IGF2BP2: variants seen among roughly 807,000 people sequenced by gnomAD.
IGF2BP2 encodes the protein insulin like growth factor 2 mRNA binding protein 2.
A neutral mutation model predicts 75.8 loss-of-function variants in IGF2BP2; 17 were observed. The observed-to-expected ratio is 0.22, with a 90% CI of 0.15 to 0.34. IGF2BP2 has a LOEUF of 0.34. Among genes scored for constraint, IGF2BP2 ranks in the 10% least tolerant of loss-of-function variants. The probability of loss-of-function intolerance (pLI) is 1.00; values close to 1 mark genes in which losing one functional copy is unlikely to be tolerated. For synonymous variants in IGF2BP2, 288 were observed against 295.6 expected (o/e 0.97, Z 0.26); for missense variants, 516 against 772.4 (o/e 0.67, Z 3.93).
intron 2 of IGF2BP2, among the ~76,000 whole-genome samples, chr3:185,706,420 TAAA>T (rs1418171337): frequency 4.6e-5 from 7 of 151,814 alleles, no homozygotes; most frequent in Non-Finnish European, 1.0e-4. Context: ...CTAGCAAAAA[TAAA>T]AAAGAAGTGG....
chr3:185,702,818 C>T (rs1723498824), intron 2 of IGF2BP2, among the ~76,000 whole-genome samples: 1 of 152,206 alleles, frequency 6.6e-6, no homozygotes, highest in Non-Finnish European at 1.5e-5. Context: ...CAGAATGAGC[C>T]TTCAACTCCC....
intron 5 of IGF2BP2, among the ~76,000 whole-genome samples, chr3:185,691,172 C>G (rs1560302351): frequency 6.6e-6 from 1 of 152,132 alleles, no homozygotes; most frequent in Non-Finnish European, 1.5e-5. Flanking sequence ...GATCTCAGCT[C>G]ACTGCAACCT....
At chr3:185,739,262 A>G (rs1226767732) in intron 2 of IGF2BP2, among the ~76,000 whole-genome samples, 1 of 152,226 alleles carries the variant, frequency 6.6e-6, no homozygotes, top group East Asian at 1.9e-4. Flanking sequence ...TTCAAAGCCC[A>G]AACATCACTG....
chr3:185,667,490 A>C (rs1480331510), intron 10 of IGF2BP2, among the ~76,000 whole-genome samples: 1 of 152,230 alleles, frequency 6.6e-6, no homozygotes, highest in African/African-American at 2.4e-5. Context: ...TCTTAAAGAA[A>C]AAGAAAATAG....
intron 6 of IGF2BP2, among the ~76,000 whole-genome samples, chr3:185,687,892 CTT>C (rs962881694): frequency 6.1e-4 from 93 of 151,886 alleles, no homozygotes; most frequent in African/African-American, 2.2e-3. Context: ...TGGGCACACA[CTT>C]TGAGAGCTAA....
chr3:185,780,594 T>G (rs1350161240), intron 2 of IGF2BP2, among the ~76,000 whole-genome samples: 1 of 152,220 alleles, frequency 6.6e-6, no homozygotes, highest in African/African-American at 2.4e-5. Context: ...AAAAGTGGTA[T>G]GATGTTGGTT....
rs1426946764 is a variant in IGF2BP2, at chr3:185,824,912, C to T, written c.49G>A (p.Asp17Asn). The T allele has an allele frequency of 5.7e-6, 9 of 1,568,390 alleles. No homozygotes were observed. Among genetic ancestry groups the T allele is most frequent in the Non-Finnish European group, 7.8e-6 (9 of 1,155,330 alleles). The change falls in exon 1 of 16, where the codon GAC becomes AAC. Residue 17 changes from aspartate (D) to asparagine (N), a missense_variant. Around this residue, in one of 3 missense-constraint regions of IGF2BP2, gnomAD observed 312 missense variants for 474.5 expected, o/e 0.66. Coordinates refer to ENST00000382199, the MANE Select transcript of IGF2BP2 (RefSeq NM_006548.6). ...TCCCCAAAGAGCTGCCGGAGGTCGTCGGCGGTGACGGCGGGGCTCAGGTTC... is the reference window on the plus strand; with the variant it reads ...TCCCCAAAGAGCTGCCGGAGGTCGTTGGCGGTGACGGCGGGGCTCAGGTTC... The part of the protein sequence containing the change: ...IGNLSPAVTA[D>N]DLRQLFGDRK...
chr3:185,820,222 GTATA>G (rs201663495), intron 2 of IGF2BP2, among the ~76,000 whole-genome samples: 1 of 121,296 alleles, frequency 8.2e-6, no homozygotes, highest in African/African-American at 4.0e-5. Context: ...GTGTGTATGT[GTATA>G]TATACACATA....
chr3:185,782,235 T>A (rs1056465542), intron 2 of IGF2BP2, among the ~76,000 whole-genome samples: 3 of 152,170 alleles, frequency 2.0e-5, no homozygotes, highest in Non-Finnish European at 4.4e-5. Flanking sequence ...AAAATTTTAA[T>A]GATGTAGAGA....
intron 2 of IGF2BP2, among the ~76,000 whole-genome samples, chr3:185,809,113 TTTTC>T (rs1000862941): frequency 8.2e-4 from 124 of 151,992 alleles, no homozygotes; most frequent in Admixed American, 2.0e-3. Flanking sequence ...TTTGTTTTTC[TTTTC>T]TTTCTTTTTT....
At chr3:185,783,300 A>C (rs1387176428) in intron 2 of IGF2BP2, among the ~76,000 whole-genome samples, 1 of 152,202 alleles carries the variant, frequency 6.6e-6, no homozygotes, top group African/African-American at 2.4e-5. Flanking sequence ...AGGTCATGGA[A>C]GGCCTAACTG....
chr3:185,798,732 G>A (rs4686696), intron 2 of IGF2BP2, among the ~76,000 whole-genome samples: 58,696 of 151,320 alleles, frequency 0.39, 12,305 homozygotes, highest in African/African-American at 0.57. Flanking sequence ...GAAGCAGACA[G>A]TACCTGTTCA....
intron 11 of IGF2BP2, among the ~76,000 whole-genome samples, chr3:185,657,879 T>C (rs946676465): frequency 6.6e-6 from 1 of 152,214 alleles, no homozygotes; most frequent in African/African-American, 2.4e-5. Context: ...GCACGGTGAC[T>C]GGCTCCAGGA....
At chr3:185,742,220 A>C (rs1729651739) in intron 2 of IGF2BP2, among the ~76,000 whole-genome samples, 2 of 150,122 alleles carry the variant, frequency 1.3e-5, no homozygotes, top group Non-Finnish European at 3.0e-5. Flanking sequence ...CCGGCCAGGC[A>C]CAGTGGCTCA....
At chr3:185,726,850 C>A (rs1046048090) in intron 2 of IGF2BP2, among the ~76,000 whole-genome samples, 1 of 152,168 alleles carries the variant, frequency 6.6e-6, no homozygotes, top group East Asian at 1.9e-4. Context: ...TTAATGACCA[C>A]AAGGTTCTCT....
intron 9 of IGF2BP2, among the ~76,000 whole-genome samples, chr3:185,673,403 A>T (rs1255962556): frequency 6.6e-6 from 1 of 152,254 alleles, no homozygotes; most frequent in Non-Finnish European, 1.5e-5. Flanking sequence ...TCTTCACATG[A>T]TGTAAATTCC....
At chr3:185,678,705 C>A (rs958926659) in intron 7 of IGF2BP2, among the ~76,000 whole-genome samples, 21 of 152,204 alleles carry the variant, frequency 1.4e-4, no homozygotes, top group Non-Finnish European at 2.5e-4. Context: ...TAGTTTTATC[C>A]ATTATTGAAA....
chr3:185,741,010 G>A (rs913476062), intron 2 of IGF2BP2, among the ~76,000 whole-genome samples: 7 of 152,170 alleles, frequency 4.6e-5, no homozygotes, highest in Non-Finnish European at 7.3e-5. Context: ...CTGAGTAGCT[G>A]GGATTATAGG....
At chr3:185,812,961 A>T (rs1194216229) in intron 2 of IGF2BP2, among the ~76,000 whole-genome samples, 4 of 152,224 alleles carry the variant, frequency 2.6e-5, no homozygotes, top group African/African-American at 7.2e-5. Context: ...CAATTTCAAT[A>T]TCTAAATCAT....
Sources: gnomAD v4.1 joint callset for allele counts (sites outside exome capture counted in the v4.1 genomes callset) on GRCh38, gnomAD v4.1.1 for gene constraint, gnomAD v4.1.1 regional missense constraint, MANE v1.5 for transcripts, NCBI Gene and HGNC (gene_info 2026-07-23, HGNC 2026-07-21) for gene names.